The following GALNT13 variants were observed in gnomAD, a reference collection of about 807,000 sequenced individuals.
GALNT13 encodes polypeptide N-acetylgalactosaminyltransferase 13.
GALNT13 carries 28 observed loss-of-function variants against 64.2 expected under a neutral mutation model. The ratio of observed to expected loss-of-function variants is 0.44; its 90% confidence interval spans 0.32 to 0.60. GALNT13 has a LOEUF of 0.60. GALNT13 is among the 20% of genes least tolerant of loss of function. The pLI is 0.05. For missense variants in GALNT13, 577 were observed against 669.8 expected (o/e 0.86, Z 1.53); for synonymous variants, 214 against 224.6 (o/e 0.95, Z 0.42).
At chr2:153,478,271 T>C in the GALNT13 span, 2 of 1,613,888 alleles carry the variant, frequency 1.2e-6, no homozygotes, top group Admixed American at 1.7e-5. Flanking sequence ...TCCACCTCCT[T>C]AGACGGCCTC....
the GALNT13 span, among the ~76,000 whole-genome samples, chr2:153,281,689 T>A: frequency 6.6e-6 from 1 of 152,154 alleles, no homozygotes; most frequent in Admixed American, 6.5e-5. Context: ...GTTGAAATTT[T>A]TTTTTCTTTA....
the GALNT13 span, chr2:153,159,678 T>C: frequency 6.6e-6 from 1 of 152,132 alleles, no homozygotes; most frequent in Non-Finnish European, 1.5e-5. Flanking sequence ...TGATCAAAAG[T>C]TGTTGGTGAT....
At chr2:153,523,066 T>TG in the GALNT13 span, among the ~76,000 whole-genome samples, 1 of 140,256 alleles carries the variant, frequency 7.1e-6, no homozygotes, top group African/African-American at 2.7e-5. Context: ...TTTTTTTTTT[T>TG]GCATGTGGGT....
At chr2:153,076,266 G>C in the GALNT13 span, among the ~76,000 whole-genome samples, 1 of 151,944 alleles carries the variant, frequency 6.6e-6, no homozygotes, top group Admixed American at 6.6e-5. Context: ...CCTTGCCAAC[G>C]GTATATGCGA....
At chr2:154,339,145 A>C (rs1393017653) in intron 9 of GALNT13, among the ~76,000 whole-genome samples, 1 of 151,944 alleles carries the variant, frequency 6.6e-6, no homozygotes, top group East Asian at 1.9e-4. Flanking sequence ...CTGCTCTTAC[A>C]CTCTGAATTT....
chr2:153,235,634 G>A, the GALNT13 span, among the ~76,000 whole-genome samples: 1 of 152,138 alleles, frequency 6.6e-6, no homozygotes, highest in African/African-American at 2.4e-5. Context: ...TTCTGCACTT[G>A]TGTGAATCTG....
At chr2:154,323,598 C>A (rs190122235) in intron 9 of GALNT13, among the ~76,000 whole-genome samples, 1 of 152,152 alleles carries the variant, frequency 6.6e-6, no homozygotes, top group Admixed American at 6.5e-5. Context: ...TTTTATCATA[C>A]AACTTTACGT....
rs368610845 is a variant in GALNT13 at position 154,259,086 on chromosome 2, A to G, written c.923A>G (p.Tyr308Cys). Residue 308 changes from tyrosine to cysteine, a missense_variant, in exon 8 of 13, where the codon TAC becomes TGC. Tyr to Cys is a radical substitution (Grantham distance 194, BLOSUM62 -2). Coordinates refer to ENST00000392825, the MANE Select transcript of GALNT13 (RefSeq NM_052917.4). ...DRNYFEEIGT[Y>C]DAGMDIWGGE... is the part of the protein sequence containing the mutation. ...AACTACTTTGAAGAGATAGGAACTT[A>G]CGATGCAGGAATGGATATCTGGGGT... 1 of 1,609,412 alleles carries G rather than the reference A, an allele frequency of 6.2e-7. No homozygotes were observed. The highest frequency in any genetic ancestry group is 8.5e-7 in the Non-Finnish European group (1 of 1,177,392).
chr2:153,451,949 G>A, the GALNT13 span, among the ~76,000 whole-genome samples: 3 of 152,180 alleles, frequency 2.0e-5, no homozygotes, highest in Admixed American at 2.0e-4. Flanking sequence ...TTGGCTTCCT[G>A]ACTAAAAAAT....
the GALNT13 span, among the ~76,000 whole-genome samples, chr2:153,661,929 C>A: frequency 2.6e-5 from 4 of 152,090 alleles, no homozygotes; most frequent in Non-Finnish European, 5.9e-5. Context: ...ACACATATGT[C>A]TTTATATCTT....
the GALNT13 span, among the ~76,000 whole-genome samples, chr2:153,689,127 C>A: frequency 6.8e-6 from 1 of 146,534 alleles, no homozygotes; most frequent in Non-Finnish European, 1.5e-5. Context: ...ATTGCTAAAC[C>A]ATTTTCTGAT....
At chr2:154,403,038 A>G (rs762638178) in intron 10 of GALNT13, among the ~76,000 whole-genome samples, 1 of 152,184 alleles carries the variant, frequency 6.6e-6, no homozygotes, top group Non-Finnish European at 1.5e-5. Context: ...TGAAGACAAT[A>G]TAGCAGATGC....
chr2:154,051,073 C>T (rs924956187), intron 3 of GALNT13, among the ~76,000 whole-genome samples: 1 of 147,842 alleles, frequency 6.8e-6, no homozygotes, highest in Non-Finnish European at 1.5e-5. Flanking sequence ...CAGATAAGAG[C>T]CAGTGGTAGT....
chr2:153,178,987 T>C, the GALNT13 span, among the ~76,000 whole-genome samples: 6 of 151,796 alleles, frequency 4.0e-5, no homozygotes, highest in Admixed American at 6.6e-5. Flanking sequence ...AGGTGATCCA[T>C]GCACCTCGGC....
chr2:154,075,586 T>G (rs1372334873), intron 3 of GALNT13, among the ~76,000 whole-genome samples: 1 of 151,830 alleles, frequency 6.6e-6, no homozygotes, highest in African/African-American at 2.4e-5. Context: ...TCGTAAATGA[T>G]GTAGCAATGT....
the GALNT13 span, among the ~76,000 whole-genome samples, chr2:153,631,102 T>G: frequency 1.3e-5 from 2 of 151,892 alleles, no homozygotes; most frequent in African/African-American, 4.8e-5. Flanking sequence ...AGAATGATGG[T>G]TTCCAGCTTC....
At chr2:153,694,758 A>G in the GALNT13 span, among the ~76,000 whole-genome samples, 691 of 152,340 alleles carry the variant, frequency 4.5e-3, 7 homozygotes, top group African/African-American at 0.016. Flanking sequence ...TAAAAATGAA[A>G]GATGAGAGAA....
At chr2:154,091,025 A>G (rs1342656723) in intron 3 of GALNT13, among the ~76,000 whole-genome samples, 1 of 151,932 alleles carries the variant, frequency 6.6e-6, no homozygotes, top group Non-Finnish European at 1.5e-5. Flanking sequence ...TGCAGTAGCT[A>G]TAAAAATGGC....
chr2:153,082,666 T>C, the GALNT13 span, among the ~76,000 whole-genome samples: 50 of 118,082 alleles, frequency 4.2e-4, no homozygotes, highest in African/African-American at 6.8e-4. Context: ...CACACACACA[T>C]ATATATAATT....
Sources: allele counts gnomAD v4.1 joint callset (sites outside exome capture counted in the v4.1 genomes callset), GRCh38; gene constraint gnomAD v4.1.1; transcripts MANE v1.5; gene names NCBI Gene and HGNC (gene_info 2026-07-23, HGNC 2026-07-21).